DNAJC1: variants seen among roughly 807,000 people sequenced by gnomAD.
DNAJC1 encodes dnaJ homolog subfamily C member 1.
In DNAJC1, 58 loss-of-function variants were observed where a neutral mutation model predicts 76.6. The observed-to-expected ratio is 0.76, with a 90% CI of 0.61 to 0.94. The LOEUF is 0.94. DNAJC1 is among the 40% of genes least tolerant of loss of function. DNAJC1 has a pLI of 0.00. For synonymous variants in DNAJC1, 258 were observed against 267.9 expected (o/e 0.96, Z 0.36); for missense variants, 689 against 677.3 (o/e 1.02, Z -0.19).
chr10:21,990,664 T>A (rs1294174052), intron 1 of DNAJC1, among the ~76,000 whole-genome samples: 1 of 152,152 alleles, frequency 6.6e-6, no homozygotes, highest in African/African-American at 2.4e-5. Context: ...CAGAAGAGAC[T>A]CCTATATAAG....
chr10:21,782,617 A>C (rs1834547510), intron 9 of DNAJC1, among the ~76,000 whole-genome samples: 1 of 152,220 alleles, frequency 6.6e-6, no homozygotes, highest in East Asian at 1.9e-4. Flanking sequence ...ATTTTAGACC[A>C]ATATCCCTGA....
At position 21,759,177 on chromosome 10, in the gene DNAJC1, T is replaced by C; in HGVS notation, c.1589A>G (p.Lys530Arg). The change falls in exon 11 of 12, where the codon AAG (lysine) becomes AGG (arginine). Residue 530 changes from lysine to arginine, a missense_variant. Transcript: ENST00000376980. ...WDKIARCVPS[K>R]SKEDCIARYK... Reference sequence around the variant, plus strand: ...TCTTTCCCCATCACTCACCTTGCTCTTGGACGGGACACATCTGGCTATTTT... The same window carrying C: ...TCTTTCCCCATCACTCACCTTGCTCCTGGACGGGACACATCTGGCTATTTT... 6.2e-7 allele frequency: 1 copy of C among 1,612,942 alleles called. No individual in the cohort carries two copies. Among genetic ancestry groups the C allele is most frequent in the South Asian group, 1.1e-5 (1 of 90,964 alleles).
At chr10:21,761,979 C>A (rs1834246518) in intron 10 of DNAJC1, among the ~76,000 whole-genome samples, 1 of 152,278 alleles carries the variant, frequency 6.6e-6, no homozygotes, top group Non-Finnish European at 1.5e-5. Flanking sequence ...GCGATTTTGC[C>A]TCCCTGCAAC....
Position 21,816,138 on chromosome 10 carries a change from C to T in DNAJC1, c.979-10039G>A, listed in dbSNP as rs192921608. Among the ~76,000 whole-genome samples the T allele has an allele frequency of 6.0e-5, 9 of 149,126 alleles. No homozygotes were observed. The East Asian group carries it at 8.6e-4, about 14-fold the overall frequency. On this transcript the variant is annotated intron_variant, in intron 8 of 11. Transcript: ENST00000376980. The stretch of plus-strand genomic sequence containing the variant: ...ATCCCAGCACTTTGGTGGGCTGAGG[C>T]GGGGGGATCACCTGAGGTCAGGAGT...
intron 8 of DNAJC1, among the ~76,000 whole-genome samples, chr10:21,862,278 TTG>T (rs1835928385): frequency 6.6e-6 from 1 of 152,054 alleles, no homozygotes; most frequent in Non-Finnish European, 1.5e-5. Context: ...GAATTCTTTG[TTG>T]TGTGAGATTC....
At chr10:21,957,416 ACCTT>A in intron 1 of DNAJC1, among the ~76,000 whole-genome samples, 1 of 152,220 alleles carries the variant, frequency 6.6e-6, no homozygotes, top group South Asian at 2.1e-4. Context: ...ATTATATTGT[ACCTT>A]CCTTTTGTCA....
chr10:21,907,566 TAAG>T lies in DNAJC1; in HGVS notation c.730-2957_730-2955del, dbSNP rs138316428. Among the ~76,000 whole-genome samples, 5 of 152,288 alleles carry T rather than the reference TAAG, an allele frequency of 3.3e-5. No homozygotes were observed. In the East Asian group the frequency reaches 5.8e-4, roughly 18 times the overall value. On this transcript the variant is annotated intron_variant, in intron 6 of 11. Coordinates refer to ENST00000376980, the MANE Select transcript of DNAJC1 (RefSeq NM_022365.4). ...CTCTATTTTTATAAGGGATTAGAGA[TAAG>T]AAGACTGGGGATAACTTCATAACTA...
chr10:21,826,614 TCTA>T (rs1222747249), intron 8 of DNAJC1, among the ~76,000 whole-genome samples: 1 of 152,236 alleles, frequency 6.6e-6, no homozygotes, highest in Non-Finnish European at 1.5e-5. Flanking sequence ...TATGTTTTCT[TCTA>T]CTAGTTTTAT....
chr10:21,769,875 G>A (rs938181290), intron 9 of DNAJC1, among the ~76,000 whole-genome samples: 1 of 152,002 alleles, frequency 6.6e-6, no homozygotes, highest in Non-Finnish European at 1.5e-5. Context: ...TAGTAGAGAT[G>A]GGGTTTCTCC....
chr10:21,783,456 C>A (rs911395958), intron 9 of DNAJC1, among the ~76,000 whole-genome samples: 3 of 152,144 alleles, frequency 2.0e-5, no homozygotes, highest in African/African-American at 7.2e-5. Context: ...GAATCAATAT[C>A]GTGACAATGG....
At chr10:21,846,826 T>C (rs1422665147) in intron 8 of DNAJC1, among the ~76,000 whole-genome samples, 5 of 151,704 alleles carry the variant, frequency 3.3e-5, no homozygotes, top group Non-Finnish European at 7.4e-5. Flanking sequence ...GTCTCGTTTG[T>C]ATTTCAAAAA....
chr10:21,938,075 G>A (rs1324078434), intron 1 of DNAJC1, among the ~76,000 whole-genome samples: 2 of 151,968 alleles, frequency 1.3e-5, no homozygotes, highest in African/African-American at 4.8e-5. Context: ...TAAAATATCA[G>A]GGTTTCATTA....
At chr10:21,805,438 G>GTACACA in intron 9 of DNAJC1, among the ~76,000 whole-genome samples, 1 of 69,620 alleles carries the variant, frequency 1.4e-5, no homozygotes, top group East Asian at 6.0e-4. Context: ...TGTTACGTAT[G>GTACACA]GACACACACA....
At chr10:21,826,826 T>G (rs981361061) in intron 8 of DNAJC1, among the ~76,000 whole-genome samples, 1 of 152,356 alleles carries the variant, frequency 6.6e-6, no homozygotes, top group Admixed American at 6.5e-5. Context: ...CAAGGATTTA[T>G]ATCTAGGCTT....
intron 1 of DNAJC1, among the ~76,000 whole-genome samples, chr10:21,949,276 G>A (rs868729795): frequency 2.0e-5 from 3 of 152,030 alleles, no homozygotes; most frequent in East Asian, 3.9e-4. Flanking sequence ...ATAGTTTATC[G>A]TTCTCTGCTT....
chr10:21,921,245 A>G (rs1045116707), intron 3 of DNAJC1, among the ~76,000 whole-genome samples: 1 of 151,956 alleles, frequency 6.6e-6, no homozygotes, highest in Non-Finnish European at 1.5e-5. Flanking sequence ...TCTAAACTAA[A>G]GGAGCTACGT....
At chr10:21,866,689 A>T (rs1009874412) in intron 8 of DNAJC1, among the ~76,000 whole-genome samples, 3 of 152,128 alleles carry the variant, frequency 2.0e-5, no homozygotes, top group Admixed American at 2.0e-4. Context: ...GCTTTAATTA[A>T]TTGGCATATA....
chr10:21,917,464 T>C (rs1319181543), intron 6 of DNAJC1, among the ~76,000 whole-genome samples: 1 of 152,102 alleles, frequency 6.6e-6, no homozygotes, highest in African/African-American at 2.4e-5. Flanking sequence ...TTAACTCATC[T>C]ATATTCTGGT....
intron 10 of DNAJC1, among the ~76,000 whole-genome samples, chr10:21,765,738 G>C (rs1195501786): frequency 6.6e-6 from 1 of 152,052 alleles, no homozygotes; most frequent in African/African-American, 2.4e-5. Flanking sequence ...CCAGCTACTC[G>C]GGGGCTGAGG....
Sources: allele counts gnomAD v4.1 joint callset (sites outside exome capture counted in the v4.1 genomes callset), GRCh38; gene constraint gnomAD v4.1.1; transcripts MANE v1.5; gene names NCBI Gene and HGNC (gene_info 2026-07-23, HGNC 2026-07-21).